The following SLC39A14 variants were observed in gnomAD, a reference collection of about 807,000 sequenced individuals.
SLC39A14 encodes the protein metal cation symporter ZIP14.
A neutral mutation model predicts 45.5 loss-of-function variants in SLC39A14; 19 were observed. The ratio of observed to expected loss-of-function variants is 0.42; its 90% CI spans 0.29 to 0.61. The LOEUF is 0.61. Ranked by LOEUF, SLC39A14 falls within the 20% of genes least tolerant of loss-of-function variation. SLC39A14 has a pLI of 0.22. For missense variants in SLC39A14, 447 were observed against 616.5 expected (o/e 0.73, Z 2.91); for synonymous variants, 264 against 251.3 (o/e 1.05, Z -0.48).
chr8:22,424,557 A>G (rs1836350431), downstream of SLC39A14, among the ~76,000 whole-genome samples: 1 of 152,062 alleles, frequency 6.6e-6, no homozygotes, highest in Non-Finnish European at 1.5e-5. Flanking sequence ...TGACACCTCG[A>G]CGTCCTTTTC....
chr8:22,399,598 C>T (rs946425576), intron 1 of SLC39A14, among the ~76,000 whole-genome samples: 1 of 152,216 alleles, frequency 6.6e-6, no homozygotes, highest in Non-Finnish European at 1.5e-5. Context: ...AGCACACGTC[C>T]TGGAGGAAAG....
chr8:22,420,106 T>C lies in SLC39A14; in HGVS notation c.*408T>C, dbSNP rs1333180810. 13 of 989,842 alleles carry C rather than the reference T, an allele frequency of 1.3e-5. No individual in the cohort carries two copies. The highest frequency in any genetic ancestry group is 2.4e-6 in the Non-Finnish European group (2 of 832,910). 61.3% of individuals were successfully genotyped at this position (989,842 alleles called of 1,614,324 possible). On this transcript the variant is annotated 3_prime_UTR_variant, in exon 9 of 9. Transcript: ENST00000381237. ...CTAGAAATATCAAGAGTTGAATCCA[T>C]AGTGTGGGGCCCATGACTCTAGCTG...
intron 1 of SLC39A14, among the ~76,000 whole-genome samples, chr8:22,376,714 C>T (rs914292131): frequency 1.3e-5 from 2 of 151,976 alleles, no homozygotes; most frequent in African/African-American, 4.8e-5. Flanking sequence ...CCCATCTCCA[C>T]TAAAAATACA....
intron 1 of SLC39A14, chr8:22,398,840 C>T (rs1586699564): frequency 1.4e-6 from 1 of 699,172 alleles, no homozygotes; most frequent in Non-Finnish European, 1.8e-6. Context: ...GGTAAGGCAA[C>T]TTCTGCGCTT....
At chr8:22,433,710 C>A (rs1836501970) in intron 8 of SLC39A14, among the ~76,000 whole-genome samples, 1 of 152,014 alleles carries the variant, frequency 6.6e-6, no homozygotes, top group African/African-American at 2.4e-5. Flanking sequence ...CAGGCGCATG[C>A]CACCACACCT....
intron 4 of SLC39A14, 47 bp from the exon 5 acceptor site, chr8:22,414,733 G>C (rs1167387429): frequency 2.5e-6 from 4 of 1,575,158 alleles, no homozygotes; most frequent in South Asian, 1.2e-5. Context: ...GATCAGTAAA[G>C]ATGCTTTATT....
chr8:22,414,507 G>A (rs180740518), intron 4 of SLC39A14, among the ~76,000 whole-genome samples: 77 of 152,268 alleles, frequency 5.1e-4, no homozygotes, highest in Middle Eastern at 3.4e-3. Context: ...AAACCATATC[G>A]GAGGTTTTTC....
At position 22,409,279 on chromosome 8, in the gene SLC39A14, C is replaced by T. The variant is rs117399009; in HGVS notation, c.457+783C>T. ...CTGATAGCCCTAAGCCCCATAGGGC[C>T]GGCGTGTGCTGCCTGAGTGTCGGCA... On this transcript the variant is annotated intron_variant, in intron 3 of 8. Transcript: ENST00000381237. 1.5e-3 allele frequency among the ~76,000 whole-genome samples: 230 copies of T among 152,312 alleles called. 2 individuals carry two copies. The East Asian group carries it at 0.021, about 14-fold the overall frequency.
downstream of SLC39A14, among the ~76,000 whole-genome samples, chr8:22,423,668 G>A: frequency 6.6e-6 from 1 of 151,910 alleles, no homozygotes; most frequent in South Asian, 2.1e-4. Context: ...GTTGCGCCAT[G>A]TTGGCCAGGC....
chr8:22,407,762 A>G (rs899055581), intron 2 of SLC39A14, among the ~76,000 whole-genome samples: 3 of 150,782 alleles, frequency 2.0e-5, no homozygotes, highest in East Asian at 2.0e-4. Context: ...GCTGGAGTGC[A>G]GTGGTGTGAT....
In SLC39A14 at chr8:22,402,787, T is replaced by A. The variant is rs73227825; in HGVS notation, c.-15-1909T>A. ...CCATTTCAAAAAAAAAAAAAAAAAA[T>A]GTTGCTATTTTAATAAGTAGCAAAA... On this transcript the variant is annotated intron_variant, in intron 1 of 8. Transcript: ENST00000381237. 4.2e-3 allele frequency among the ~76,000 whole-genome samples: 372 copies of A among 87,746 alleles called. 2 individuals are homozygous for A. The highest frequency in any genetic ancestry group is 9.6e-3 in the East Asian group (12 of 1,244). The allele number at this position is 87,746 out of a possible 152,430, so 57.6% of individuals were successfully genotyped here. A position where few individuals can be genotyped will look rare whatever the true frequency, so the allele number is the denominator to read the frequency against.
intron 1 of SLC39A14, among the ~76,000 whole-genome samples, chr8:22,368,874 A>G (rs908305787): frequency 1.3e-5 from 2 of 152,142 alleles, no homozygotes; most frequent in African/African-American, 4.8e-5. Flanking sequence ...AAATATGGAC[A>G]AGAACTTGTC....
At chr8:22,414,637 GA>G (rs1288278431) in intron 4 of SLC39A14, 142 bp from the exon 5 acceptor site, 2 of 821,922 alleles carry the variant, frequency 2.4e-6, no homozygotes, top group Non-Finnish European at 3.7e-6. Flanking sequence ...ATTTTTGCTG[GA>G]AAGAGGATGG....
At chr8:22,369,746 C>G (rs1339212530) in intron 1 of SLC39A14, among the ~76,000 whole-genome samples, 2 of 152,212 alleles carry the variant, frequency 1.3e-5, no homozygotes, top group Admixed American at 1.3e-4. Flanking sequence ...TTCTCACCAG[C>G]TTGCAGGATG....
At chr8:22,373,546 G>GGTAC (rs1406547579) in intron 1 of SLC39A14, among the ~76,000 whole-genome samples, 1 of 151,960 alleles carries the variant, frequency 6.6e-6, no homozygotes, top group East Asian at 1.9e-4. Context: ...AGATGACACA[G>GGTAC]GTACGTGTCA....
In SLC39A14 at chr8:22,404,869, G is replaced by C; in HGVS notation, c.159G>C (p.Glu53Asp). Residue 53 changes from glutamate (E) to aspartate (D), a missense_variant, in exon 2 of 9, where the codon GAG (glutamate) becomes GAC (aspartate). Coordinates refer to ENST00000381237, the MANE Select transcript of SLC39A14 (RefSeq NM_001128431.4). ...AGGATCTAATACATCGGTATGGCGA[G>C]GGTGACAGCCTCACTCTGCAGCAGC... ...FLQDLIHRYGEGDSLTLQQLK... is the reference protein window; with the variant it reads ...FLQDLIHRYGDGDSLTLQQLK... 6.2e-7 allele frequency: 1 copy of C among 1,614,198 alleles called. No homozygotes were observed. The highest frequency in any genetic ancestry group is 8.5e-7 in the Non-Finnish European group (1 of 1,180,026).
intron 1 of SLC39A14, among the ~76,000 whole-genome samples, chr8:22,376,163 A>G (rs1187767040): frequency 6.6e-6 from 1 of 151,822 alleles, no homozygotes; most frequent in African/African-American, 2.4e-5. Context: ...TCATCATGTC[A>G]CAGTTTTTTG....
rs1028293844 is a variant in SLC39A14 at position 22,384,445 on chromosome 8, T to TA, written c.-16+17051dup. On this transcript the variant is annotated intron_variant, in intron 1 of 8. Coordinates refer to ENST00000381237, the MANE Select transcript of SLC39A14 (RefSeq NM_001128431.4). The stretch of plus-strand genomic sequence containing the variant: ...CCCCACCCCACCTCACTTTATGTTT[T>TA]AAAAAAAAAAAAAACAACTCTGGCG... 2.7e-3 allele frequency among the ~76,000 whole-genome samples: 378 copies of TA among 138,204 alleles called. 1 individual carries two copies. The highest frequency in any genetic ancestry group is 4.8e-3 in the African/African-American group (184 of 37,974). 90.7% of individuals were successfully genotyped at this position (138,204 alleles called of 152,430 possible).
At position 22,422,439 on chromosome 8, in the gene SLC39A14, T is replaced by A. The variant is rs1264589966; in HGVS notation, c.*2741T>A. On this transcript the variant is annotated 3_prime_UTR_variant, in exon 9 of 9. Coordinates refer to ENST00000381237, the MANE Select transcript of SLC39A14 (RefSeq NM_001128431.4). Reference sequence around the variant, plus strand: ...TAGCGTAAGAGCTGAGTATAGTAAGTCCTCTTCCAAAGAGATGGCAATATG... The same window carrying A: ...TAGCGTAAGAGCTGAGTATAGTAAGACCTCTTCCAAAGAGATGGCAATATG... The A allele has an allele frequency of 3.0e-6, 3 of 985,716 alleles. No homozygotes were observed. Among genetic ancestry groups the A allele is most frequent in the African/African-American group, 1.7e-5 (1 of 57,234 alleles). 61.1% of individuals were successfully genotyped at this position (985,716 alleles called of 1,614,324 possible).
Sources: gnomAD v4.1 joint callset for allele counts (sites outside exome capture counted in the v4.1 genomes callset) on GRCh38, gnomAD v4.1.1 for gene constraint, MANE v1.5 for transcripts, NCBI Gene and HGNC (gene_info 2026-07-23, HGNC 2026-07-21) for gene names.